Variants in GALNTL6 observed in about 807,000 individuals in gnomAD.
GALNTL6 encodes the protein polypeptide N-acetylgalactosaminyltransferase-like 6.
A neutral mutation model predicts 73.7 loss-of-function variants in GALNTL6; 46 were observed. The observed-to-expected ratio is 0.62, with a 90% CI of 0.49 to 0.80. The LOEUF (loss-of-function observed/expected upper bound fraction) is 0.80. GALNTL6 is among the 30% of genes least tolerant of loss of function. GALNTL6 has a pLI of 0.00. For missense variants in GALNTL6, 604 were observed against 755.0 expected (o/e 0.80, Z 2.34); for synonymous variants, 259 against 263.7 (o/e 0.98, Z 0.17).
At chr4:172,736,642 T>C (rs1219609201) in intron 5 of GALNTL6, among the ~76,000 whole-genome samples, 2 of 152,204 alleles carry the variant, frequency 1.3e-5, no homozygotes, top group Non-Finnish European at 2.9e-5. Flanking sequence ...AGAGTATTGA[T>C]TAGGGAAGTG....
intron 2 of GALNTL6, among the ~76,000 whole-genome samples, chr4:172,002,725 T>A (rs985871502): frequency 6.6e-6 from 1 of 152,144 alleles, no homozygotes; most frequent in Non-Finnish European, 1.5e-5. Context: ...AATGTTTCAT[T>A]GGTCCTGATT....
intron 9 of GALNTL6, among the ~76,000 whole-genome samples, chr4:172,941,442 C>T (rs1171496292): frequency 6.6e-6 from 1 of 152,146 alleles, no homozygotes; most frequent in African/African-American, 2.4e-5. Flanking sequence ...GGGATCTTTT[C>T]CAGTTTGTTT....
intron 3 of GALNTL6, among the ~76,000 whole-genome samples, chr4:172,301,856 C>A (rs1739940861): frequency 1.3e-5 from 2 of 152,168 alleles, no homozygotes; most frequent in African/African-American, 4.8e-5. Flanking sequence ...TCTCAGATCT[C>A]CAGCTGCGTT....
chr4:172,083,750 G>GT (rs1328014096), intron 2 of GALNTL6, among the ~76,000 whole-genome samples: 2 of 152,022 alleles, frequency 1.3e-5, no homozygotes, highest in African/African-American at 4.8e-5. Context: ...CTATTCGCTT[G>GT]TTTTTTTACG....
chr4:171,944,190 T>C (rs1279540749), intron 2 of GALNTL6, among the ~76,000 whole-genome samples: 1 of 152,040 alleles, frequency 6.6e-6, no homozygotes, highest in Non-Finnish European at 1.5e-5. Context: ...TTTTGATTTA[T>C]AGGAAGATCC....
chr4:172,182,166 C>T (rs1735268048), intron 2 of GALNTL6, among the ~76,000 whole-genome samples: 1 of 152,158 alleles, frequency 6.6e-6, no homozygotes. Context: ...ACAATTTCTA[C>T]AAAGGGAATA....
intron 2 of GALNTL6, among the ~76,000 whole-genome samples, chr4:171,991,516 C>T (rs1046267621): frequency 2.0e-5 from 3 of 151,678 alleles, no homozygotes; most frequent in African/African-American, 7.3e-5. Context: ...TAACAAATAT[C>T]AAGACTTTTT....
rs548124762 is a variant in GALNTL6 at position 172,878,715 on chromosome 4, A to G, written c.924-4075A>G. Reference sequence around the variant, plus strand: ...ATCAAAAAGAAGACAAAAAATGGGGAAAGGAAACAACAGGTGAGACAAATA... The same window carrying G: ...ATCAAAAAGAAGACAAAAAATGGGGGAAGGAAACAACAGGTGAGACAAATA... On this transcript the variant is annotated intron_variant, in intron 7 of 12. Coordinates refer to ENST00000506823, the MANE Select transcript of GALNTL6 (RefSeq NM_001034845.3). Among the ~76,000 whole-genome samples the G allele has an allele frequency of 3.3e-5, 5 of 151,964 alleles. No homozygotes were observed. In the South Asian group the frequency reaches 1.0e-3, roughly 32 times the overall value.
At chr4:172,545,510 A>T (rs1201311472) in intron 5 of GALNTL6, 1 of 152,196 alleles carries the variant, frequency 6.6e-6, no homozygotes, top group Non-Finnish European at 1.5e-5. Flanking sequence ...CCTTGTGTGG[A>T]TTTCTATAGC....
At chr4:172,584,512 G>A (rs186678347) in intron 5 of GALNTL6, among the ~76,000 whole-genome samples, 1 of 152,282 alleles carries the variant, frequency 6.6e-6, no homozygotes, top group African/African-American at 2.4e-5. Context: ...AGAGAATAGA[G>A]ACTACATTTG....
intron 5 of GALNTL6, among the ~76,000 whole-genome samples, chr4:172,586,417 C>T (rs749169872): frequency 6.8e-6 from 1 of 146,556 alleles, no homozygotes; most frequent in Non-Finnish European, 1.5e-5. Flanking sequence ...GTGTCCAAGA[C>T]AGTTTATGAT....
intron 2 of GALNTL6, among the ~76,000 whole-genome samples, chr4:172,074,797 G>A (rs181672926): frequency 2.1e-4 from 32 of 152,252 alleles, no homozygotes; most frequent in African/African-American, 7.5e-4. Context: ...TGCACCAAAC[G>A]AGAAGCTATT....
intron 5 of GALNTL6, among the ~76,000 whole-genome samples, chr4:172,462,680 A>G (rs866799578): frequency 2.3e-4 from 35 of 152,210 alleles, no homozygotes; most frequent in Admixed American, 1.9e-3. Flanking sequence ...ACTGGATTAT[A>G]TATTTTTCAC....
chr4:172,403,856 C>G (rs113665876), intron 5 of GALNTL6, among the ~76,000 whole-genome samples: 20 of 152,014 alleles, frequency 1.3e-4, no homozygotes, highest in African/African-American at 4.8e-4. Context: ...ACGGTTGATA[C>G]TTTTACTAAA....
chr4:172,122,850 T>C (rs1451625710), intron 2 of GALNTL6, among the ~76,000 whole-genome samples: 1 of 152,224 alleles, frequency 6.6e-6, no homozygotes, highest in Non-Finnish European at 1.5e-5. Flanking sequence ...TGTCTGGCTA[T>C]GTGCCTATTC....
intron 5 of GALNTL6, among the ~76,000 whole-genome samples, chr4:172,488,655 C>G (rs550102287): frequency 3.2e-4 from 49 of 152,206 alleles, no homozygotes; most frequent in Admixed American, 2.9e-3. Flanking sequence ...TTCTTGTATT[C>G]TATTGCTTGA....
intron 7 of GALNTL6, among the ~76,000 whole-genome samples, chr4:172,839,197 G>A (rs527903106): frequency 1.3e-5 from 2 of 152,284 alleles, no homozygotes; most frequent in East Asian, 1.9e-4. Flanking sequence ...GGTCTGAGCC[G>A]AAACCCAATA....
intron 5 of GALNTL6, among the ~76,000 whole-genome samples, chr4:172,411,471 G>C (rs1744433559): frequency 1.3e-5 from 2 of 152,246 alleles, no homozygotes; most frequent in Admixed American, 1.3e-4. Flanking sequence ...TTGTCCTTGA[G>C]TAATGATAAT....
chr4:172,581,027 G>A (rs936728894), intron 5 of GALNTL6, among the ~76,000 whole-genome samples: 5 of 152,184 alleles, frequency 3.3e-5, no homozygotes, highest in Non-Finnish European at 7.3e-5. Context: ...CTCCCAAAGT[G>A]CTGGGATTAC....
Sources: allele counts gnomAD v4.1 joint callset (sites outside exome capture counted in the v4.1 genomes callset), GRCh38; gene constraint gnomAD v4.1.1; transcripts MANE v1.5; gene names NCBI Gene and HGNC (gene_info 2026-07-23, HGNC 2026-07-21).